The following ZBTB20 variants were observed in gnomAD, a reference collection of about 807,000 sequenced individuals.
ZBTB20 encodes the protein zinc finger and BTB domain-containing protein 20.
In ZBTB20, 9 loss-of-function variants were observed where a neutral mutation model predicts 56.9. The observed-to-expected ratio is 0.16, with a 90% CI of 0.10 to 0.28. The LOEUF is 0.28. Among genes scored for constraint, ZBTB20 ranks in the 10% least tolerant of loss-of-function variants. The pLI is 1.00. For synonymous variants in ZBTB20, 417 were observed against 420.7 expected (o/e 0.99, Z 0.11); for missense variants, 655 against 1,003.0 (o/e 0.65, Z 4.69).
intron 3 of ZBTB20, among the ~76,000 whole-genome samples, chr3:114,931,862 A>G (rs2107807974): frequency 6.6e-6 from 1 of 152,312 alleles, no homozygotes; most frequent in Admixed American, 6.5e-5. Flanking sequence ...GCACCCATTG[A>G]AAGTCTTAAA....
chr3:115,094,524 G>A (rs1050255990), intron 1 of ZBTB20, among the ~76,000 whole-genome samples: 1 of 149,618 alleles, frequency 6.7e-6, no homozygotes, highest in Non-Finnish European at 1.5e-5. Context: ...AACATTTCTA[G>A]TTTTCTGCTA....
At chr3:114,761,562 C>T (rs942114301) in intron 5 of ZBTB20, among the ~76,000 whole-genome samples, 5 of 152,026 alleles carry the variant, frequency 3.3e-5, no homozygotes, top group Non-Finnish European at 7.4e-5. Context: ...AGTCCGGGCA[C>T]GGTGGCTCAA....
rs914001938 is a variant in ZBTB20 at position 114,480,442 on chromosome 3, T to C, written c.-255+19910A>G. 1.3e-5 allele frequency among the ~76,000 whole-genome samples: 2 copies of C among 152,202 alleles called. 1 individual carries two copies. The highest frequency in any genetic ancestry group is 4.8e-5 in the African/African-American group (2 of 41,464). ...TTTTGAAATAAGGAGGTCACATGCATTTAAAAATAACAAACTGCATGTTGC... is the reference window on the plus strand; with the variant it reads ...TTTTGAAATAAGGAGGTCACATGCACTTAAAAATAACAAACTGCATGTTGC... On this transcript the variant is annotated intron_variant, in intron 7 of 11. Transcript: ENST00000675478.
At chr3:114,619,018 C>T (rs553242932) in intron 6 of ZBTB20, among the ~76,000 whole-genome samples, 2 of 152,188 alleles carry the variant, frequency 1.3e-5, no homozygotes, top group South Asian at 2.1e-4. Context: ...TATAATTTTG[C>T]CCTTCGGAGT....
At chr3:114,510,067 ATAAAG>A (rs2045160157) in intron 6 of ZBTB20, among the ~76,000 whole-genome samples, 1 of 152,220 alleles carries the variant, frequency 6.6e-6, no homozygotes, top group Admixed American at 6.5e-5. Flanking sequence ...TTACGAAAAT[ATAAAG>A]TATTCACCCA....
rs115299555 is a variant in ZBTB20 at position 114,442,053 on chromosome 3, G to A, written c.-254-52948C>T. On this transcript the variant is annotated intron_variant, in intron 7 of 11. Coordinates refer to ENST00000675478, the MANE Select transcript of ZBTB20 (RefSeq NM_001348800.3). ...TGTTGGGGGCAGGATTTACACTGAT[G>A]GAGCTCGCTGAAGACTAGGAGTATG... is the stretch of plus-strand genomic sequence containing the variant. 3.2e-3 allele frequency among the ~76,000 whole-genome samples: 489 copies of A among 152,288 alleles called. 4 individuals are homozygous for A. The highest frequency in any genetic ancestry group is 0.011 in the African/African-American group (459 of 41,570).
intron 6 of ZBTB20, among the ~76,000 whole-genome samples, chr3:114,503,302 A>T (rs1038153974): frequency 1.3e-5 from 2 of 152,208 alleles, no homozygotes; most frequent in Non-Finnish European, 1.5e-5. Context: ...TTGTACTTAT[A>T]TGTTAATATA....
At chr3:114,867,487 G>A (rs956452022) in intron 4 of ZBTB20, among the ~76,000 whole-genome samples, 8 of 152,204 alleles carry the variant, frequency 5.3e-5, no homozygotes, top group African/African-American at 1.9e-4. Context: ...CCAGGTTGGA[G>A]TGCACTGGCA....
intron 1 of ZBTB20, among the ~76,000 whole-genome samples, chr3:115,122,270 T>C (rs1309882447): frequency 6.6e-6 from 1 of 152,078 alleles, no homozygotes; most frequent in Non-Finnish European, 1.5e-5. Flanking sequence ...AAATAACTAG[T>C]GAGGCCCAAC....
At chr3:114,435,246 A>C (rs906457836) in intron 7 of ZBTB20, among the ~76,000 whole-genome samples, 5 of 152,072 alleles carry the variant, frequency 3.3e-5, no homozygotes, top group Admixed American at 3.3e-4. Flanking sequence ...AAAAAAAAAA[A>C]CTTGCACACC....
At chr3:115,015,427 C>T (rs2079909693) in intron 2 of ZBTB20, among the ~76,000 whole-genome samples, 1 of 151,758 alleles carries the variant, frequency 6.6e-6, no homozygotes, top group Admixed American at 6.6e-5. Flanking sequence ...GTATTAAACC[C>T]AGCATCCATT....
intron 3 of ZBTB20, among the ~76,000 whole-genome samples, chr3:114,959,587 T>C (rs1473253279): frequency 6.6e-6 from 1 of 152,130 alleles, no homozygotes; most frequent in African/African-American, 2.4e-5. Context: ...TTTTGTTGTT[T>C]TGTTTGTATG....
At chr3:114,967,733 G>A (rs1337440457) in intron 3 of ZBTB20, among the ~76,000 whole-genome samples, 2 of 152,100 alleles carry the variant, frequency 1.3e-5, no homozygotes, top group Non-Finnish European at 2.9e-5. Context: ...GAAGCGGGTG[G>A]ATCACCCGAG....
intron 6 of ZBTB20, among the ~76,000 whole-genome samples, chr3:114,669,490 A>G (rs758334167): frequency 3.3e-5 from 5 of 152,038 alleles, no homozygotes; most frequent in Non-Finnish European, 7.4e-5. Flanking sequence ...TAAACCAATA[A>G]TTTTAGATTA....
chr3:114,625,426 T>G (rs954330551), intron 6 of ZBTB20, among the ~76,000 whole-genome samples: 1 of 152,120 alleles, frequency 6.6e-6, no homozygotes, highest in East Asian at 1.9e-4. Context: ...GGTACTGTTT[T>G]CCCAATTCAG....
At position 114,351,795 on chromosome 3, in the gene ZBTB20, T is replaced by C. The variant is rs1275193250; in HGVS notation, c.283A>G (p.Asn95Asp). ...AAGTGGCCACGGTTGCGCTGCTCGT[T>C]GAGGGTCTCGAGCACGGAATTGCTG... Reference protein sequence around the residue: ...NFSNSVLETLNEQRNRGHFCD... With the variant: ...NFSNSVLETLDEQRNRGHFCD... Residue 95 changes from asparagine (N) to aspartate (D), a missense_variant, in exon 11 of 12, where the codon AAC (asparagine) becomes GAC (aspartate). Physicochemically the swap from Asn to Asp is conservative, Grantham distance 23. Transcript: ENST00000675478. 1 of 1,609,226 alleles carries C rather than the reference T, an allele frequency of 6.2e-7. No homozygotes were observed. Among genetic ancestry groups the C allele is most frequent in the South Asian group, 1.1e-5 (1 of 91,030 alleles).
At chr3:114,913,625 T>G (rs192648007) in intron 3 of ZBTB20, among the ~76,000 whole-genome samples, 1 of 152,146 alleles carries the variant, frequency 6.6e-6, no homozygotes, top group African/African-American at 2.4e-5. Flanking sequence ...TGGTTGCTTG[T>G]GCTTATGGGG....
intron 6 of ZBTB20, among the ~76,000 whole-genome samples, chr3:114,685,293 G>A (rs181920897): frequency 4.6e-5 from 7 of 152,300 alleles, no homozygotes; most frequent in African/African-American, 1.4e-4. Context: ...TTCTTAGCCC[G>A]AAAAGTGATT....
chr3:115,111,792 T>A (rs1282544319), intron 1 of ZBTB20, among the ~76,000 whole-genome samples: 1 of 152,196 alleles, frequency 6.6e-6, no homozygotes, highest in African/African-American at 2.4e-5. Flanking sequence ...AAAATATTTA[T>A]AGCTCATAAG....
Sources: gnomAD v4.1 joint callset for allele counts (sites outside exome capture counted in the v4.1 genomes callset) on GRCh38, gnomAD v4.1.1 for gene constraint, MANE v1.5 for transcripts, NCBI Gene and HGNC (gene_info 2026-07-23, HGNC 2026-07-21) for gene names.